Variants in IGSF10 observed in about 807,000 individuals in gnomAD.
IGSF10 encodes the protein calvaria mechanical force protein 608.
In IGSF10, 126 loss-of-function variants were observed where a neutral mutation model predicts 128.2. The observed-to-expected ratio is 0.98, with a 90% CI of 0.85 to 1.14. The LOEUF (loss-of-function observed/expected upper bound fraction) is 1.14, where lower values mean the gene tolerates loss of function less well. IGSF10 is among the 50% of genes most tolerant of loss of function. IGSF10 has a pLI of 0.00. For synonymous variants in IGSF10, 1,185 were observed against 1,146.2 expected, an observed-to-expected ratio of 1.03 and a Z score of -0.68; for missense variants, 3,295 against 3,149.8, an observed-to-expected ratio of 1.05 and a Z score of -1.10.
chr3:151,438,559 AG>A lies in IGSF10; in HGVS notation c.6001del (p.Leu2001CysfsTer6). 1 of 1,613,816 alleles carries A rather than the reference AG, an allele frequency of 6.2e-7. No individual in the cohort carries two copies. Among genetic ancestry groups the A allele is most frequent in the Non-Finnish European group, 8.5e-7 (1 of 1,180,002 alleles). ...TTTTTCTGTTACTGATCCAATAAACAGGGATCCATTAGGGTAGACGTGGATC... is the reference window on the plus strand; with the variant it reads ...TTTTTCTGTTACTGATCCAATAAACAGGATCCATTAGGGTAGACGTGGATC... ...SWIHVYPNGS[L>X]FIGSVTEKDS... On this transcript the variant is annotated frameshift_variant, in exon 8 of 8. Transcript: ENST00000282466. LOFTEE classifies it low-confidence loss of function (END_TRUNC).
the IGSF10 span, among the ~76,000 whole-genome samples, chr3:151,524,395 CAGATT>C: frequency 3.9e-5 from 6 of 151,944 alleles, no homozygotes; most frequent in Non-Finnish European, 8.8e-5. Flanking sequence ...CCATCAATGA[CAGATT>C]AGATAAAGAA....
At chr3:151,435,573 AT>A (rs1560164870), downstream of IGSF10, 2 of 152,146 alleles carry the variant, frequency 1.3e-5, no homozygotes, top group African/African-American at 4.8e-5. Context: ...GTGCACTGAG[AT>A]ATCTAAGACC....
chr3:151,538,698 T>C, the IGSF10 span, among the ~76,000 whole-genome samples: 1 of 152,076 alleles, frequency 6.6e-6, no homozygotes, highest in Admixed American at 6.5e-5. Flanking sequence ...CAGGACACAA[T>C]ATTGCTTTAA....
At position 151,447,667 on chromosome 3, in the gene IGSF10, G is replaced by A. The variant is rs148376549; in HGVS notation, c.2314C>T (p.Arg772Ter). The A allele has an allele frequency of 1.8e-4, 289 of 1,614,086 alleles. No homozygotes were observed. Among genetic ancestry groups the A allele is most frequent in the South Asian group, 3.0e-4 (27 of 91,078 alleles). Residue 772 changes from arginine to a stop codon, truncating the protein, a stop_gained, in exon 6 of 8, where the codon CGA becomes TGA. Coordinates refer to ENST00000282466, the MANE Select transcript of IGSF10 (RefSeq NM_178822.5). LOFTEE classifies it high-confidence loss of function. ...KAKKNAMPDK[R>*]ENTTVSPPPV... ...GGTGGGCTCACTGTGGTATTTTCTC[G>A]CTTGTCTGGCATAGCATTCTTTTTA...
At position 151,438,568 on chromosome 3, in the gene IGSF10, T is replaced by G. The variant is rs1414395365; in HGVS notation, c.5993A>C (p.Asn1998Thr). 4 of 1,613,416 alleles carry G rather than the reference T, an allele frequency of 2.5e-6. No individual in the cohort carries two copies. The African/African-American group carries it at 5.3e-5, about 22-fold the overall frequency. The change falls in exon 8 of 8, where the codon AAT (asparagine) becomes ACT (threonine). Residue 1998 changes from asparagine (N) to threonine (T), a missense_variant. Physicochemically the swap from Asn to Thr is moderately conservative, Grantham distance 65. Transcript: ENST00000282466. The part of the protein sequence containing the change: ...RVGSWIHVYP[N>T]GSLFIGSVTE... ...TACTGATCCAATAAACAGGGATCCATTAGGGTAGACGTGGATCCAGCTGCC... is the reference window on the plus strand; with the variant it reads ...TACTGATCCAATAAACAGGGATCCAGTAGGGTAGACGTGGATCCAGCTGCC...
downstream of IGSF10, chr3:151,434,961 T>G (rs1439480970): frequency 2.0e-5 from 3 of 151,894 alleles, no homozygotes; most frequent in Non-Finnish European, 4.4e-5. Context: ...CTATTGAAAG[T>G]TGAGGAATGC....
chr3:151,462,759 A>G (rs1722110842), upstream of IGSF10, among the ~76,000 whole-genome samples: 1 of 152,202 alleles, frequency 6.6e-6, no homozygotes, highest in Admixed American at 6.5e-5. Context: ...AAGTAGAATT[A>G]TAGAATCAGA....
the IGSF10 span, among the ~76,000 whole-genome samples, chr3:151,511,438 C>T: frequency 6.6e-6 from 1 of 152,192 alleles, no homozygotes; most frequent in Non-Finnish European, 1.5e-5. Flanking sequence ...CACTATCAGG[C>T]CTGCCCTAAA....
the IGSF10 span, among the ~76,000 whole-genome samples, chr3:151,582,832 T>A: frequency 6.6e-6 from 1 of 152,188 alleles, no homozygotes; most frequent in Admixed American, 6.5e-5. Flanking sequence ...TCAGGGGAAT[T>A]TTTCAGCACT....
At chr3:151,505,218 G>A in the IGSF10 span, among the ~76,000 whole-genome samples, 7 of 152,272 alleles carry the variant, frequency 4.6e-5, no homozygotes, top group South Asian at 1.5e-3. Flanking sequence ...TGGCCGGGGA[G>A]GCCTCAGGAA....
At chr3:151,569,782 G>A in the IGSF10 span, among the ~76,000 whole-genome samples, 4 of 152,088 alleles carry the variant, frequency 2.6e-5, no homozygotes, top group East Asian at 1.9e-4. Flanking sequence ...GGTGCACAGC[G>A]TGCAGGTTTG....
At chr3:151,471,843 C>T in the IGSF10 span, among the ~76,000 whole-genome samples, 1 of 152,290 alleles carries the variant, frequency 6.6e-6, no homozygotes, top group South Asian at 2.1e-4. Context: ...TTAAGATATG[C>T]AATCTGAATG....
the IGSF10 span, among the ~76,000 whole-genome samples, chr3:151,494,575 C>T: frequency 6.6e-6 from 1 of 152,024 alleles, no homozygotes; most frequent in African/African-American, 2.4e-5. Context: ...GTAAATACGA[C>T]TCAGGGTTGC....
the IGSF10 span, among the ~76,000 whole-genome samples, chr3:151,612,778 A>C: frequency 1.3e-5 from 2 of 152,234 alleles, no homozygotes; most frequent in Non-Finnish European, 2.9e-5. Flanking sequence ...GCATCAAGAC[A>C]TAGAAATTTG....
chr3:151,488,795 C>T, the IGSF10 span, among the ~76,000 whole-genome samples: 3 of 152,150 alleles, frequency 2.0e-5, no homozygotes, highest in Non-Finnish European at 4.4e-5. Flanking sequence ...AACTGGATCC[C>T]TTCCTTACAC....
the IGSF10 span, among the ~76,000 whole-genome samples, chr3:151,602,771 C>T: frequency 2.9e-3 from 438 of 152,150 alleles, 3 homozygotes; most frequent in Non-Finnish European, 4.8e-3. Context: ...TGGCCAGGAA[C>T]CTTTCTGAAC....
chr3:151,590,330 G>A, the IGSF10 span, among the ~76,000 whole-genome samples: 1 of 152,024 alleles, frequency 6.6e-6, no homozygotes, highest in South Asian at 2.1e-4. Flanking sequence ...ATGAGCCACC[G>A]TGCCCAGCCA....
downstream of IGSF10, chr3:151,433,552 T>C (rs759191268): frequency 6.6e-6 from 1 of 152,478 alleles, no homozygotes; most frequent in Non-Finnish European, 1.5e-5. Context: ...AGATCATTGA[T>C]GAGAGTCATT....
At chr3:151,599,692 T>C in the IGSF10 span, among the ~76,000 whole-genome samples, 1 of 152,180 alleles carries the variant, frequency 6.6e-6, no homozygotes, top group Non-Finnish European at 1.5e-5. Flanking sequence ...TTAGTAGACA[T>C]TTTTTTCTCA....
Sources: allele counts gnomAD v4.1 joint callset (sites outside exome capture counted in the v4.1 genomes callset), GRCh38; gene constraint gnomAD v4.1.1; transcripts MANE v1.5; gene names NCBI Gene and HGNC (gene_info 2026-07-23, HGNC 2026-07-21).